ANO1: variants seen among roughly 807,000 people sequenced by gnomAD.
ANO1 encodes the protein anoctamin-1.
Under a neutral mutation model 124.0 loss-of-function variants are expected in ANO1, and 59 were observed. The ratio of observed to expected loss-of-function variants is 0.48; its 90% CI spans 0.39 to 0.59. The LOEUF (loss-of-function observed/expected upper bound fraction) is 0.59. ANO1 is among the 20% of genes least tolerant of loss of function. The pLI is 0.00. For missense variants in ANO1, 1,059 were observed against 1,328.0 expected (o/e 0.80, Z 3.15); for synonymous variants, 529 against 532.0 (o/e 0.99, Z 0.08).
intron 1 of ANO1, among the ~76,000 whole-genome samples, chr11:70,027,038 G>T (rs1259518155): frequency 6.6e-6 from 1 of 152,128 alleles, no homozygotes; most frequent in Non-Finnish European, 1.5e-5. Flanking sequence ...CCTCAGTCAG[G>T]TGTGTCCTAA....
rs939809663 is a variant in ANO1, at chr11:70,144,233, C to T, written c.1259-5477C>T. Among the ~76,000 whole-genome samples, 7 of 152,300 alleles carry T rather than the reference C, an allele frequency of 4.6e-5. No individual in the cohort carries two copies. In the Middle Eastern group the frequency reaches 0.014, roughly 296 times the overall value. ...CTGTGCTGAGCCTCTCAAGGGGACA[C>T]GTGGAGATCCCTGCGACCGAGCTGG... is the stretch of plus-strand genomic sequence containing the variant. On this transcript the variant is annotated intron_variant, in intron 11 of 25. Coordinates refer to ENST00000355303, the MANE Select transcript of ANO1 (RefSeq NM_018043.7).
At chr11:70,104,804 G>A (rs1262630693) in intron 4 of ANO1, among the ~76,000 whole-genome samples, 1 of 152,166 alleles carries the variant, frequency 6.6e-6, no homozygotes, top group Non-Finnish European at 1.5e-5. Flanking sequence ...GCGGGCAGGA[G>A]GGCTCCTGGA....
chr11:70,174,754 G>C (rs570287962), intron 22 of ANO1, among the ~76,000 whole-genome samples: 14 of 152,086 alleles, frequency 9.2e-5, no homozygotes, highest in Non-Finnish European at 1.8e-4. Flanking sequence ...TAGAGGGTTT[G>C]CCTCTGAAAA....
chr11:70,134,856 C>G (rs563584609), intron 11 of ANO1, among the ~76,000 whole-genome samples: 2 of 152,246 alleles, frequency 1.3e-5, no homozygotes, highest in South Asian at 4.2e-4. Flanking sequence ...GGGAAGGGTG[C>G]GGGGCTGTGG....
At chr11:70,035,005 T>C (rs4980584) in intron 1 of ANO1, among the ~76,000 whole-genome samples, 2,843 of 151,832 alleles carry the variant, frequency 0.019, 112 homozygotes, top group East Asian at 0.16. Context: ...TGCAGCCAAG[T>C]GGGCTCCTAT....
At chr11:70,167,635 C>T (rs1414688945) in intron 21 of ANO1, among the ~76,000 whole-genome samples, 1 of 152,010 alleles carries the variant, frequency 6.6e-6, no homozygotes, top group Admixed American at 6.6e-5. Flanking sequence ...CAAGCAGCCA[C>T]CGTCCCTAGG....
chr11:70,066,288 G>A (rs1857716415), intron 1 of ANO1, among the ~76,000 whole-genome samples: 1 of 152,192 alleles, frequency 6.6e-6, no homozygotes, highest in South Asian at 2.1e-4. Context: ...TGGGCACTAA[G>A]GGTCCCAGGC....
At chr11:70,109,487 A>G (rs1291180998) in intron 6 of ANO1, among the ~76,000 whole-genome samples, 3 of 152,190 alleles carry the variant, frequency 2.0e-5, no homozygotes, top group Non-Finnish European at 2.9e-5. Context: ...AGTCCCATCC[A>G]GGGTCAAAAG....
At chr11:70,148,000 A>G (rs2047448604) in intron 11 of ANO1, among the ~76,000 whole-genome samples, 1 of 152,128 alleles carries the variant, frequency 6.6e-6, no homozygotes, top group South Asian at 2.1e-4. Flanking sequence ...GCCGGCCGAT[A>G]CAGTAGCCAT....
At chr11:70,174,996 C>G (rs1163546665) in intron 22 of ANO1, among the ~76,000 whole-genome samples, 1 of 152,032 alleles carries the variant, frequency 6.6e-6, no homozygotes, top group Non-Finnish European at 1.5e-5. Context: ...CTCAGGCAGC[C>G]GACAGTACCC....
At chr11:70,153,853 C>G (rs2047698071) in intron 14 of ANO1, among the ~76,000 whole-genome samples, 1 of 152,098 alleles carries the variant, frequency 6.6e-6, no homozygotes, top group South Asian at 2.1e-4. Context: ...GCAACCCCCG[C>G]CTCCCGGGTT....
intron 3 of ANO1, among the ~76,000 whole-genome samples, 172 bp from the exon 4 acceptor site, chr11:70,103,827 C>G (rs2135359517): frequency 6.6e-6 from 1 of 152,264 alleles, no homozygotes; most frequent in South Asian, 2.1e-4. Flanking sequence ...AAACTCTGGG[C>G]TTTCATGGCG....
intron 1 of ANO1, 43 bp from the exon 2 acceptor site, chr11:70,087,709 G>A (rs765564632): frequency 1.3e-5 from 20 of 1,513,344 alleles, no homozygotes; most frequent in Admixed American, 9.9e-5. Context: ...GGCCCATCAC[G>A]AGCAGCTCGA....
chr11:70,058,906 G>A (rs989484569), intron 1 of ANO1, among the ~76,000 whole-genome samples: 5 of 152,040 alleles, frequency 3.3e-5, no homozygotes, highest in Non-Finnish European at 4.4e-5. Context: ...ATTGTCCGCC[G>A]AGTGCGGTGG....
At chr11:70,032,658 G>C (rs545841209) in intron 1 of ANO1, among the ~76,000 whole-genome samples, 1 of 152,284 alleles carries the variant, frequency 6.6e-6, no homozygotes, top group East Asian at 1.9e-4. Context: ...CCCCCGGACT[G>C]TGGCTTCTGC....
rs768344184 is a variant in ANO1, at chr11:70,155,904, C to T, written c.1426-7C>T. 26 of 1,541,468 alleles carry T rather than the reference C, an allele frequency of 1.7e-5. No homozygotes were observed. In the South Asian group the frequency reaches 2.7e-4, roughly 16 times the overall value. On this transcript the variant is annotated splice_region_variant and splice_polypyrimidine_tract_variant and intron_variant, in intron 14 of 25. Coordinates refer to ENST00000355303, the MANE Select transcript of ANO1 (RefSeq NM_018043.7). ...CACGGTGCTCTCTTTCCCCCACCCC[C>T]CCTCAGAAGCGCCGGCATATTCCAG...
chr11:70,061,676 A>G (rs1417727951), intron 1 of ANO1, among the ~76,000 whole-genome samples: 2 of 152,060 alleles, frequency 1.3e-5, no homozygotes, highest in Non-Finnish European at 2.9e-5. Context: ...GCCTTTATAG[A>G]TGTTCTTGAC....
chr11:70,078,209 T>C (rs917285839), upstream of ANO1: 11 of 153,086 alleles, frequency 7.2e-5, no homozygotes, highest in Middle Eastern at 1.1e-3. Flanking sequence ...TGGAATACTT[T>C]TTCTTCCTGT....
the ANO1 span, among the ~76,000 whole-genome samples, chr11:69,970,593 T>TG: frequency 6.7e-3 from 1,022 of 152,294 alleles, 5 homozygotes; most frequent in Middle Eastern, 0.024. Context: ...TCCCCTTCTC[T>TG]GGGGCTGTTT....
Sources: gnomAD v4.1 joint callset for allele counts (sites outside exome capture counted in the v4.1 genomes callset) on GRCh38, gnomAD v4.1.1 for gene constraint, MANE v1.5 for transcripts, NCBI Gene and HGNC (gene_info 2026-07-23, HGNC 2026-07-21) for gene names.